TRPM3: variants seen among roughly 807,000 people sequenced by gnomAD.
The protein encoded by TRPM3 is long transient receptor potential channel 3.
In TRPM3, 77 loss-of-function variants were observed where a neutral mutation model predicts 181.2. The ratio of observed to expected loss-of-function variants is 0.42; its 90% CI spans 0.35 to 0.51. TRPM3 has a LOEUF of 0.51. TRPM3 is among the 20% of genes least tolerant of loss of function. The pLI is 0.01. For synonymous variants in TRPM3, 745 were observed against 796.4 expected, an observed-to-expected ratio of 0.94 and a Z score of 1.09; for missense variants, 1,759 against 2,196.7, an observed-to-expected ratio of 0.80 and a Z score of 3.98.
At chr9:70,780,546 T>C (rs1210370407) in intron 7 of TRPM3, among the ~76,000 whole-genome samples, 1 of 152,094 alleles carries the variant, frequency 6.6e-6, no homozygotes, top group Non-Finnish European at 1.5e-5. Context: ...TTTTTTTCTC[T>C]TAACATAAAG....
chr9:71,048,721 A>C (rs2059740678), intron 1 of TRPM3, among the ~76,000 whole-genome samples: 1 of 152,136 alleles, frequency 6.6e-6, no homozygotes, highest in African/African-American at 2.4e-5. Context: ...GGACATGAAA[A>C]ATTGCAGGAA....
rs59689447 is a variant in TRPM3, at chr9:71,012,407, G to T, written c.177+108771C>A. On this transcript the variant is annotated intron_variant, in intron 1 of 25. Coordinates refer to ENST00000677713, the MANE Select transcript of TRPM3 (RefSeq NM_001366145.2). ...TTTCAAATATAGGAGCTTTATAGTT[G>T]TTTTTTTTTTTTAACATCTGGCAGA... 2.8e-3 allele frequency among the ~76,000 whole-genome samples: 396 copies of T among 140,772 alleles called. 4 individuals carry two copies. The highest frequency in any genetic ancestry group is 9.3e-3 in the African/African-American group (363 of 38,926). The allele number at this position is 140,772 out of a possible 152,430, so 92.4% of individuals were successfully genotyped here.
At chr9:70,683,671 G>A (rs1364811982) in intron 8 of TRPM3, among the ~76,000 whole-genome samples, 5 of 151,964 alleles carry the variant, frequency 3.3e-5, no homozygotes, top group Non-Finnish European at 7.4e-5. Context: ...GTAGAGGTGT[G>A]TCCCAATTCA....
chr9:70,782,062 T>TTATG (rs2082580994), intron 7 of TRPM3, among the ~76,000 whole-genome samples: 1 of 152,162 alleles, frequency 6.6e-6, no homozygotes, highest in African/African-American at 2.4e-5. Flanking sequence ...GTATCTACTT[T>TTATG]GTAGGAATAC....
At chr9:71,429,584 T>A (rs1232152634) in intron 1 of TRPM3, among the ~76,000 whole-genome samples, 4 of 152,206 alleles carry the variant, frequency 2.6e-5, no homozygotes, top group Admixed American at 2.6e-4. Context: ...CAGCTTCCAG[T>A]ATCCTAAAGG....
chr9:70,853,002 C>A (rs1289884916), intron 3 of TRPM3, among the ~76,000 whole-genome samples: 5 of 152,118 alleles, frequency 3.3e-5, no homozygotes, highest in Non-Finnish European at 7.4e-5. Context: ...AATTTTATCT[C>A]CCTATGTTGC....
intron 1 of TRPM3, among the ~76,000 whole-genome samples, chr9:70,973,603 C>T (rs2097267392): frequency 1.3e-5 from 2 of 152,126 alleles, no homozygotes; most frequent in Non-Finnish European, 2.9e-5. Flanking sequence ...AGGATCTCTT[C>T]CCAACTCCAT....
chr9:70,651,709 C>A (rs2059615038), intron 9 of TRPM3, among the ~76,000 whole-genome samples: 1 of 152,188 alleles, frequency 6.6e-6, no homozygotes, highest in Non-Finnish European at 1.5e-5. Flanking sequence ...CATGTACAAA[C>A]ATTTTGGAAT....
intron 1 of TRPM3, among the ~76,000 whole-genome samples, chr9:71,280,095 A>AAAG (rs1554861694): frequency 3.9e-4 from 56 of 145,438 alleles, no homozygotes; most frequent in African/African-American, 1.4e-3. Context: ...AAAAAAAAAA[A>AAAG]GGGGATGTAT....
At chr9:71,403,273 T>A (rs1341603356) in intron 1 of TRPM3, among the ~76,000 whole-genome samples, 1 of 152,222 alleles carries the variant, frequency 6.6e-6, no homozygotes, top group Non-Finnish European at 1.5e-5. Flanking sequence ...TTAGCAATTG[T>A]AACAGATACC....
At chr9:71,157,733 C>T (rs4745060) in intron 1 of TRPM3, among the ~76,000 whole-genome samples, 144,403 of 152,206 alleles carry the variant, frequency 0.95, 68,682 homozygotes, top group East Asian at 1. Flanking sequence ...TTTAATGGTC[C>T]AACATTTAAC....
intron 6 of TRPM3, among the ~76,000 whole-genome samples, chr9:70,812,936 A>G (rs1289500764): frequency 6.6e-6 from 1 of 152,214 alleles, no homozygotes; most frequent in Non-Finnish European, 1.5e-5. Flanking sequence ...TTCAGGACAC[A>G]ATAGAAAAAA....
At chr9:71,205,928 A>T (rs1204309719) in intron 1 of TRPM3, among the ~76,000 whole-genome samples, 1 of 152,226 alleles carries the variant, frequency 6.6e-6, no homozygotes, top group African/African-American at 2.4e-5. Flanking sequence ...GGAAGAAAAT[A>T]AGCAAATGAA....
In TRPM3 at chr9:70,537,332, C is replaced by T. The variant is rs760461668; in HGVS notation, c.3781G>A (p.Val1261Met). 56 of 1,519,590 alleles carry T rather than the reference C, an allele frequency of 3.7e-5. No individual in the cohort carries two copies. Among genetic ancestry groups the T allele is most frequent in the Admixed American group, 1.7e-4 (8 of 46,264 alleles). The allele number at this position is 1,519,590 out of a possible 1,614,324, so 94.1% of individuals were successfully genotyped here. The change falls in exon 26 of 26, where the codon GTG becomes ATG. Residue 1261 changes from valine to methionine, a missense_variant. By Grantham distance (21) the Val-to-Met change is conservative. Transcript: ENST00000677713. Reference sequence around the variant, plus strand: ...TCCAGCTGCGCCAGCCGGATGTCCACGGTCTGGAGTGAAGCCTTCATGGAG... The same window carrying T: ...TCCAGCTGCGCCAGCCGGATGTCCATGGTCTGGAGTGAAGCCTTCATGGAG... ...EHSMKASLQT[V>M]DIRLAQLEDL...
At chr9:71,155,487 T>TTTTATTTTA (rs1448962969) in intron 1 of TRPM3, among the ~76,000 whole-genome samples, 14 of 117,470 alleles carry the variant, frequency 1.2e-4, no homozygotes, top group African/African-American at 4.8e-4. Flanking sequence ...CTTATTTTTA[T>TTTTATTTTA]TTTATTTTAT....
intron 9 of TRPM3, among the ~76,000 whole-genome samples, chr9:70,680,912 G>A (rs965463998): frequency 2.0e-5 from 3 of 152,048 alleles, no homozygotes; most frequent in African/African-American, 7.2e-5. Context: ...TGTAGTATTG[G>A]GACTAGAGAA....
intron 22 of TRPM3, among the ~76,000 whole-genome samples, chr9:70,562,877 G>A (rs1231963306): frequency 6.6e-6 from 1 of 152,138 alleles, no homozygotes; most frequent in Admixed American, 6.5e-5. Flanking sequence ...ACGCCAGTGG[G>A]TTTGCTGTCA....
chr9:70,790,772 T>G (rs541592701), intron 6 of TRPM3, among the ~76,000 whole-genome samples: 8 of 152,328 alleles, frequency 5.3e-5, no homozygotes, highest in Admixed American at 3.9e-4. Context: ...CTGAAAACAT[T>G]CAAAAGTATT....
intron 5 of TRPM3, among the ~76,000 whole-genome samples, chr9:70,831,606 G>A (rs1047821900): frequency 6.6e-6 from 1 of 151,840 alleles, no homozygotes; most frequent in Non-Finnish European, 1.5e-5. Context: ...TTGGAGAATC[G>A]AGAAGACAGT....
Sources: gnomAD v4.1 joint callset for allele counts (sites outside exome capture counted in the v4.1 genomes callset) on GRCh38, gnomAD v4.1.1 for gene constraint, MANE v1.5 for transcripts, NCBI Gene and HGNC (gene_info 2026-07-23, HGNC 2026-07-21) for gene names.